The following SAMD12 variants were observed in gnomAD, a reference collection of about 807,000 sequenced individuals.
The protein encoded by SAMD12 is sterile alpha motif domain-containing protein 12.
In SAMD12, 9 loss-of-function variants were observed where a neutral mutation model predicts 15.0. The observed-to-expected ratio is 0.60, with a 90% confidence interval of 0.36 to 1.05. The LOEUF (loss-of-function observed/expected upper bound fraction) is 1.05. Ranked by LOEUF, SAMD12 falls within the 50% of genes least tolerant of loss-of-function variation. SAMD12 has a pLI of 0.01. For missense variants in SAMD12, 230 were observed against 234.2 expected, an observed-to-expected ratio of 0.98 and a Z score of 0.12; for synonymous variants, 86 against 90.1, an observed-to-expected ratio of 0.96 and a Z score of 0.25.
chr8:118,568,890 G>T (rs1248753355), intron 2 of SAMD12, among the ~76,000 whole-genome samples: 1 of 152,150 alleles, frequency 6.6e-6, no homozygotes, highest in Non-Finnish European at 1.5e-5. Context: ...ACAACCACAG[G>T]AGCTGACAGC....
At chr8:118,377,256 G>A (rs1181334987), downstream of SAMD12, among the ~76,000 whole-genome samples, 1 of 151,896 alleles carries the variant, frequency 6.6e-6, no homozygotes, top group East Asian at 1.9e-4. Flanking sequence ...AAATTAGCCT[G>A]GTGTGGTGGT....
chr8:118,575,677 C>T (rs1227643769), intron 2 of SAMD12, among the ~76,000 whole-genome samples: 1 of 152,122 alleles, frequency 6.6e-6, no homozygotes, highest in African/African-American at 2.4e-5. Flanking sequence ...AAAGCTCTGA[C>T]TCCAGGAATT....
At chr8:118,269,220 C>CTCTCTCTGTG (rs1299970707) in intron 4 of SAMD12, among the ~76,000 whole-genome samples, 31 of 123,004 alleles carry the variant, frequency 2.5e-4, no homozygotes, top group African/African-American at 1.0e-3. Flanking sequence ...CTCTCTCTCT[C>CTCTCTCTGTG]TGTGTGTGTG....
intron 4 of SAMD12, among the ~76,000 whole-genome samples, chr8:118,263,009 C>T (rs1198679953): frequency 1.3e-5 from 2 of 152,050 alleles, no homozygotes; most frequent in Non-Finnish European, 2.9e-5. Flanking sequence ...CACTCTCAAA[C>T]ATATACAAAA....
intron 2 of SAMD12, among the ~76,000 whole-genome samples, chr8:118,519,927 A>G (rs1825344571): frequency 6.6e-6 from 1 of 152,230 alleles, no homozygotes; most frequent in African/African-American, 2.4e-5. Flanking sequence ...AGCTCAGAGC[A>G]TTGAAAAAAA....
intron 1 of SAMD12, among the ~76,000 whole-genome samples, chr8:118,598,446 G>T (rs1827777130): frequency 6.6e-6 from 1 of 152,228 alleles, no homozygotes; most frequent in African/African-American, 2.4e-5. Flanking sequence ...AACCAAACCT[G>T]CTGACACCTT....
intron 2 of SAMD12, among the ~76,000 whole-genome samples, chr8:118,504,734 A>C (rs1308853398): frequency 1.3e-5 from 2 of 152,236 alleles, no homozygotes; most frequent in Non-Finnish European, 2.9e-5. Flanking sequence ...AAGGAAGAGA[A>C]AACACAAACA....
chr8:118,258,162 C>T lies in SAMD12; in HGVS notation c.434-60430G>A, dbSNP rs183056656. Among the ~76,000 whole-genome samples the T allele has an allele frequency of 5.9e-4, 90 of 152,188 alleles. 1 individual carries two copies. The South Asian group carries it at 0.012, about 21-fold the overall frequency. On this transcript the variant is annotated intron_variant, in intron 4 of 4. Coordinates refer to the SAMD12 transcript ENST00000409003. Reference sequence around the variant, plus strand: ...AAGGAGGTGAGTATGTGCTAAGAGCCGGAATGTACTGGGCCATTCCCAATC... The same window carrying T: ...AAGGAGGTGAGTATGTGCTAAGAGCTGGAATGTACTGGGCCATTCCCAATC...
At chr8:118,430,521 C>T (rs12155913) in intron 3 of SAMD12, among the ~76,000 whole-genome samples, 81,525 of 151,860 alleles carry the variant, frequency 0.54, 24,274 homozygotes, top group Non-Finnish European at 0.65. Context: ...TGCCATCATG[C>T]CCAGCTAATT....
At chr8:118,602,700 T>C (rs1174982533) in intron 1 of SAMD12, among the ~76,000 whole-genome samples, 1 of 152,228 alleles carries the variant, frequency 6.6e-6, no homozygotes, top group Non-Finnish European at 1.5e-5. Context: ...TCTCTGCCCC[T>C]AAATATAATC....
chr8:118,256,490 A>T (rs1389466510), intron 4 of SAMD12, among the ~76,000 whole-genome samples: 1 of 152,100 alleles, frequency 6.6e-6, no homozygotes, highest in East Asian at 1.9e-4. Flanking sequence ...TTTATCTAGG[A>T]TAAAATGAAC....
chr8:118,271,227 A>G (rs750939188), intron 4 of SAMD12, among the ~76,000 whole-genome samples: 2 of 152,188 alleles, frequency 1.3e-5, no homozygotes, highest in African/African-American at 4.8e-5. Flanking sequence ...GGAAGAAAAC[A>G]TGTCCTTCTT....
At chr8:118,173,625 A>T in the SAMD12 span, among the ~76,000 whole-genome samples, 1 of 137,880 alleles carries the variant, frequency 7.3e-6, no homozygotes, top group Non-Finnish European at 1.5e-5. Flanking sequence ...TTATATACAT[A>T]TCCATAACTT....
At chr8:118,445,427 TA>T (rs1283957545) in intron 2 of SAMD12, among the ~76,000 whole-genome samples, 2 of 152,154 alleles carry the variant, frequency 1.3e-5, no homozygotes, top group African/African-American at 4.8e-5. Flanking sequence ...ATCTACATAT[TA>T]GGGATTATTC....
chr8:118,542,182 G>A (rs879531946), intron 2 of SAMD12, among the ~76,000 whole-genome samples: 2 of 152,164 alleles, frequency 1.3e-5, no homozygotes, highest in African/African-American at 2.4e-5. Context: ...CAATAAGTAA[G>A]TGTCAGGGAC....
rs529704158 is a variant in SAMD12, at chr8:118,243,420, C to G, written c.434-45688G>C. Among the ~76,000 whole-genome samples the G allele has an allele frequency of 6.6e-5, 10 of 151,972 alleles. No homozygotes were observed. The South Asian group carries it at 2.1e-3, about 32-fold the overall frequency. On this transcript the variant is annotated intron_variant, in intron 4 of 4. Transcript: ENST00000409003. ...GCACTGCTAACTCAACTCTGTGCAC[C>G]TGAGATGCAAAAAGATAACCTGCAT...
the SAMD12 span, among the ~76,000 whole-genome samples, chr8:118,149,321 T>C: frequency 2.6e-5 from 4 of 152,230 alleles, no homozygotes; most frequent in Non-Finnish European, 5.9e-5. Context: ...TATATGTTTT[T>C]ATTTTAGCCA....
At chr8:118,573,003 C>T (rs1412120162) in intron 2 of SAMD12, among the ~76,000 whole-genome samples, 1 of 152,152 alleles carries the variant, frequency 6.6e-6, no homozygotes, top group Non-Finnish European at 1.5e-5. Context: ...CCCCTTCTGG[C>T]ATTCATTCTC....
At chr8:118,476,836 G>A (rs539065960) in intron 2 of SAMD12, among the ~76,000 whole-genome samples, 15 of 152,216 alleles carry the variant, frequency 9.9e-5, no homozygotes, top group African/African-American at 3.6e-4. Flanking sequence ...CTCAGAAAAC[G>A]GCATTTGTTT....
Sources: gnomAD v4.1 joint callset for allele counts (sites outside exome capture counted in the v4.1 genomes callset) on GRCh38, gnomAD v4.1.1 for gene constraint, MANE v1.5 for transcripts, NCBI Gene and HGNC (gene_info 2026-07-23, HGNC 2026-07-21) for gene names.